Variants in SLC35F1 observed in about 807,000 individuals in gnomAD.
SLC35F1 encodes chromosome 6 open reading frame 169.
In SLC35F1, 14 loss-of-function variants were observed where a neutral mutation model predicts 48.7. That is an observed-to-expected ratio of 0.29 (90% CI 0.19 to 0.45). SLC35F1 has a LOEUF of 0.45. SLC35F1 is among the 20% of genes least tolerant of loss of function. The pLI is 1.00. For synonymous variants in SLC35F1, 190 were observed against 202.2 expected (o/e 0.94, Z 0.51); for missense variants, 404 against 500.0 (o/e 0.81, Z 1.83).
At chr6:117,910,734 A>G (rs747429284) in intron 1 of SLC35F1, among the ~76,000 whole-genome samples, 1 of 152,206 alleles carries the variant, frequency 6.6e-6, no homozygotes, top group Non-Finnish European at 1.5e-5. Flanking sequence ...ATGCTGAGAC[A>G]CAGAGTGGTG....
chr6:118,285,851 A>C (rs1372354139), intron 7 of SLC35F1, among the ~76,000 whole-genome samples: 8 of 152,162 alleles, frequency 5.3e-5, no homozygotes, highest in Admixed American at 3.3e-4. Context: ...TGAGTAAAGG[A>C]ATGCAAAGAG....
intron 1 of SLC35F1, among the ~76,000 whole-genome samples, chr6:118,117,711 A>G (rs967124615): frequency 4.6e-5 from 7 of 152,312 alleles, no homozygotes; most frequent in Non-Finnish European, 8.8e-5. Context: ...CCCCCTAAAA[A>G]GATTCCTCAT....
At chr6:118,026,809 T>TTA (rs1488032113) in intron 1 of SLC35F1, among the ~76,000 whole-genome samples, 3 of 152,188 alleles carry the variant, frequency 2.0e-5, no homozygotes, top group Non-Finnish European at 4.4e-5. Context: ...TTTTTTAAAG[T>TTA]TATGTTTATT....
chr6:118,206,786 A>T (rs1582729625), intron 2 of SLC35F1, among the ~76,000 whole-genome samples: 1 of 152,178 alleles, frequency 6.6e-6, no homozygotes, highest in Non-Finnish European at 1.5e-5. Flanking sequence ...GAACCAAGAG[A>T]CAAATTGAAC....
At chr6:118,020,540 A>G (rs1014439080) in intron 1 of SLC35F1, among the ~76,000 whole-genome samples, 2 of 152,228 alleles carry the variant, frequency 1.3e-5, no homozygotes, top group Non-Finnish European at 2.9e-5. Context: ...ATGATCACAA[A>G]TGAAACATTT....
intron 7 of SLC35F1, among the ~76,000 whole-genome samples, chr6:118,302,877 A>G (rs1000818680): frequency 2.0e-5 from 3 of 152,154 alleles, no homozygotes; most frequent in South Asian, 2.1e-4. Flanking sequence ...CTTTGAGCCC[A>G]GTGCCCATAC....
At chr6:118,073,957 T>C (rs9489304) in intron 1 of SLC35F1, among the ~76,000 whole-genome samples, 26,268 of 152,202 alleles carry the variant, frequency 0.17, 2,524 homozygotes, top group Admixed American at 0.28. Flanking sequence ...ATTGTTCTGA[T>C]ATCAGCAAAT....
intron 1 of SLC35F1, among the ~76,000 whole-genome samples, chr6:117,985,548 A>G (rs956616357): frequency 3.9e-5 from 6 of 152,222 alleles, no homozygotes; most frequent in Admixed American, 6.5e-5. Flanking sequence ...GAGCATCTCA[A>G]GATGTTCATT....
At chr6:117,923,819 GTATA>G (rs1775977052) in intron 1 of SLC35F1, among the ~76,000 whole-genome samples, 1 of 134,916 alleles carries the variant, frequency 7.4e-6, no homozygotes, top group East Asian at 2.2e-4. Flanking sequence ...ACATACATAT[GTATA>G]TATACATATA....
chr6:117,921,321 A>G (rs1376761442), intron 1 of SLC35F1, among the ~76,000 whole-genome samples: 1 of 152,234 alleles, frequency 6.6e-6, no homozygotes, highest in Non-Finnish European at 1.5e-5. Flanking sequence ...TGGAAGTGTG[A>G]ATGCACCTGT....
chr6:117,995,473 T>A (rs1052688695), intron 1 of SLC35F1, among the ~76,000 whole-genome samples: 1 of 152,180 alleles, frequency 6.6e-6, no homozygotes, highest in African/African-American at 2.4e-5. Flanking sequence ...TTTCCATATA[T>A]ACAAAGGGCA....
chr6:117,928,872 T>C (rs1776063334), intron 1 of SLC35F1, among the ~76,000 whole-genome samples: 1 of 152,210 alleles, frequency 6.6e-6, no homozygotes, highest in African/African-American at 2.4e-5. Flanking sequence ...ATTGTGAAAC[T>C]GGCCCAGTTG....
At chr6:118,273,537 A>G (rs1166090847) in intron 4 of SLC35F1, among the ~76,000 whole-genome samples, 1 of 152,174 alleles carries the variant, frequency 6.6e-6, no homozygotes, top group East Asian at 1.9e-4. Flanking sequence ...TAATTTTACA[A>G]TTTTAGTTAT....
chr6:118,137,006 G>A (rs892366221), intron 1 of SLC35F1, among the ~76,000 whole-genome samples: 3 of 152,012 alleles, frequency 2.0e-5, no homozygotes, highest in Non-Finnish European at 2.9e-5. Flanking sequence ...TAACCCACTC[G>A]CCTTTGATTT....
intron 1 of SLC35F1, among the ~76,000 whole-genome samples, chr6:118,002,471 G>C (rs964065570): frequency 3.3e-4 from 50 of 151,654 alleles, no homozygotes; most frequent in Admixed American, 6.6e-5. Flanking sequence ...GGAGGGGGAG[G>C]GATAGCATTA....
chr6:118,121,911 C>T (rs556391784), intron 1 of SLC35F1, among the ~76,000 whole-genome samples: 2 of 152,106 alleles, frequency 1.3e-5, no homozygotes, highest in Non-Finnish European at 2.9e-5. Flanking sequence ...ATGAACTGCT[C>T]ACACTCCCTA....
chr6:117,983,217 T>C (rs1236085401), intron 1 of SLC35F1, among the ~76,000 whole-genome samples: 1 of 152,148 alleles, frequency 6.6e-6, no homozygotes, highest in Non-Finnish European at 1.5e-5. Context: ...AGGATGGTGA[T>C]AGATGAGTCT....
At chr6:118,155,640 T>G (rs187290444) in intron 2 of SLC35F1, among the ~76,000 whole-genome samples, 70 of 152,312 alleles carry the variant, frequency 4.6e-4, no homozygotes, top group Admixed American at 3.2e-3. Context: ...ATGGAATATG[T>G]TATTCATTAT....
intron 1 of SLC35F1, among the ~76,000 whole-genome samples, chr6:117,921,862 G>A (rs1775903734): frequency 2.0e-5 from 3 of 152,162 alleles, no homozygotes; most frequent in Admixed American, 6.5e-5. Flanking sequence ...AATCGTCAAA[G>A]AAAATAGTGA....
Sources: gnomAD v4.1 joint callset for allele counts (sites outside exome capture counted in the v4.1 genomes callset) on GRCh38, gnomAD v4.1.1 for gene constraint, MANE v1.5 for transcripts, NCBI Gene and HGNC (gene_info 2026-07-23, HGNC 2026-07-21) for gene names.